USP8: variants seen among roughly 807,000 people sequenced by gnomAD.
USP8 encodes the protein ubiquitin specific peptidase 8.
A neutral mutation model predicts 130.0 loss-of-function variants in USP8; 27 were observed. The observed-to-expected ratio is 0.21, with a 90% confidence interval of 0.15 to 0.29. USP8 has a LOEUF of 0.29. Ranked by LOEUF, USP8 falls within the 10% of genes least tolerant of loss-of-function variation. USP8 has a pLI of 1.00. For missense variants in USP8, 1,029 were observed against 1,312.2 expected (o/e 0.78, Z 3.33); for synonymous variants, 392 against 444.1 (o/e 0.88, Z 1.48).
intron 7 of USP8, 126 bp downstream of exon 7, chr15:50,465,317 A>T: frequency 2.6e-6 from 2 of 763,714 alleles, no homozygotes; most frequent in Non-Finnish European, 3.6e-6. Context: ...AACTTTTTAA[A>T]TCTTTGCCTC....
At position 50,500,556 on chromosome 15, in the gene USP8, T is replaced by C. The variant is rs763754399; in HGVS notation, c.*1468T>C. On this transcript the variant is annotated 3_prime_UTR_variant, in exon 20 of 20. Transcript: ENST00000307179. The stretch of plus-strand genomic sequence containing the variant: ...CCACAAGGCATAAAAATGTTAATGA[T>C]GCAAGTAAGTTCTAAGAGTTTAATG... The C allele has an allele frequency of 2.9e-5, 14 of 490,456 alleles. No homozygotes were observed. The highest frequency in any genetic ancestry group is 4.8e-5 in the Non-Finnish European group (13 of 269,328). The allele number at this position is 490,456 out of a possible 1,614,324, so 30.4% of individuals were successfully genotyped here. A position where few individuals can be genotyped will look rare whatever the true frequency, so the allele number is the denominator to read the frequency against.
intron 1 of USP8, among the ~76,000 whole-genome samples, chr15:50,431,959 T>G (rs1210367538): frequency 1.3e-5 from 2 of 152,128 alleles, no homozygotes; most frequent in Non-Finnish European, 2.9e-5. Context: ...CCCAGCCAGA[T>G]GTCCTCCTTT....
intron 12 of USP8, among the ~76,000 whole-genome samples, chr15:50,487,273 A>G (rs545845846): frequency 5.1e-4 from 77 of 152,334 alleles, no homozygotes; most frequent in Non-Finnish European, 8.1e-4. Flanking sequence ...AGCCTTACAA[A>G]AATTAAGAAC....
At chr15:50,440,357 T>A (rs1567602527) in intron 2 of USP8, among the ~76,000 whole-genome samples, 1 of 152,216 alleles carries the variant, frequency 6.6e-6, no homozygotes, top group Non-Finnish European at 1.5e-5. Flanking sequence ...TATCCAAACT[T>A]GCATCTAACT....
chr15:50,468,231 T>C (rs1217702770), intron 7 of USP8, among the ~76,000 whole-genome samples: 15 of 121,454 alleles, frequency 1.2e-4, no homozygotes, highest in South Asian at 5.5e-4. Context: ...CCACTGTACC[T>C]GGCCTTTTTT....
chr15:50,452,095 C>G (rs1363764103), intron 4 of USP8, among the ~76,000 whole-genome samples: 1 of 152,164 alleles, frequency 6.6e-6, no homozygotes, highest in Non-Finnish European at 1.5e-5. Context: ...AATGCTTTAG[C>G]AAAAAGACCT....
chr15:50,483,511 C>G (rs958261532), intron 11 of USP8, among the ~76,000 whole-genome samples: 1 of 152,148 alleles, frequency 6.6e-6, no homozygotes, highest in Non-Finnish European at 1.5e-5. Context: ...AAAGAATCTA[C>G]GGGCCGGGCG....
chr15:50,489,847 G>A lies in USP8; in HGVS notation c.1937G>A (p.Arg646Lys), dbSNP rs780985138. ...LTRARSEEMG[R>K]IVPGLPSGWA... is the part of the protein sequence containing the mutation. ...AGAGCACGAAGTGAAGAAATGGGGA[G>A]GATCGTACCAGGACTGCCTTCAGGC... is the stretch of plus-strand genomic sequence containing the variant. Residue 646 changes from arginine (R) to lysine (K), a missense_variant, in exon 13 of 20, where the codon AGG becomes AAG. By Grantham distance (26) the Arg-to-Lys change is conservative (BLOSUM62 2). Transcript: ENST00000307179. The A allele has an allele frequency of 1.9e-6, 3 of 1,581,530 alleles. No individual in the cohort carries two copies. Among genetic ancestry groups the A allele is most frequent in the South Asian group, 1.2e-5 (1 of 84,648 alleles).
chr15:50,446,738 T>C (rs2050453716), intron 3 of USP8, among the ~76,000 whole-genome samples: 1 of 152,240 alleles, frequency 6.6e-6, no homozygotes. Flanking sequence ...TGATCTACTT[T>C]TAGGCTAGAT....
At chr15:50,476,342 A>G (rs1036971373) in intron 8 of USP8, among the ~76,000 whole-genome samples, 1 of 152,146 alleles carries the variant, frequency 6.6e-6, no homozygotes, top group African/African-American at 2.4e-5. Context: ...AGGTGGGAGG[A>G]TCAATAGAGC....
intron 7 of USP8, among the ~76,000 whole-genome samples, chr15:50,468,526 A>T (rs2051272078): frequency 6.6e-6 from 1 of 152,164 alleles, no homozygotes; most frequent in Non-Finnish European, 1.5e-5. Flanking sequence ...TACAGGTGTG[A>T]GCCACGGTGC....
Position 50,499,051 on chromosome 15 carries a change from C to G in USP8, c.3320C>G (p.Thr1107Ser). Reference protein sequence around the residue: ...KSSAAYILFYTSLGPRVTDVA... With the variant: ...KSSAAYILFYSSLGPRVTDVA... The stretch of plus-strand genomic sequence containing the variant: ...TCAGCAGCTTATATCCTCTTTTATA[C>G]TTCATTGGGACCACGAGTAACTGAT... The change falls in exon 20 of 20, where the codon ACT (threonine) becomes AGT (serine). Residue 1107 changes from threonine to serine, a missense_variant. Around this residue, in one of 4 missense-constraint regions of USP8, gnomAD observed 257 missense variants for 429.8 expected, o/e 0.60. Transcript: ENST00000307179. 6.2e-7 allele frequency: 1 copy of G among 1,612,908 alleles called. No individual in the cohort carries two copies. The highest frequency in any genetic ancestry group is 8.5e-7 in the Non-Finnish European group (1 of 1,179,432).
rs750971374 is a variant in USP8, at chr15:50,477,385, A to G, written c.1104A>G (p.Gln368=). Residue 368 remains glutamine (Q), a synonymous_variant, in exon 10 of 20, where the codon CAA becomes CAG. Transcript: ENST00000307179. ...AAAATATAGAATTGATAAGTGGTCA[A>G]AATGAGAGAATGGGACCACTGAATA... ...VDENIELISG[Q]NERMGPLNIS... 6.2e-7 allele frequency: 1 copy of G among 1,614,218 alleles called. No homozygotes were observed. The highest frequency in any genetic ancestry group is 1.3e-5 in the African/African-American group (1 of 75,070).
At chr15:50,459,857 C>T (rs566686439) in intron 5 of USP8, among the ~76,000 whole-genome samples, 1 of 152,004 alleles carries the variant, frequency 6.6e-6, no homozygotes, top group Non-Finnish European at 1.5e-5. Context: ...TAAGTTTCTT[C>T]TTTCTAATCA....
At chr15:50,448,252 A>G (rs1224421234) in intron 3 of USP8, among the ~76,000 whole-genome samples, 1 of 152,158 alleles carries the variant, frequency 6.6e-6, no homozygotes, top group African/African-American at 2.4e-5. Flanking sequence ...TTTGTAATGA[A>G]CTGTGCTAGT....
In USP8 at chr15:50,500,202, A is replaced by G. The variant is rs146662990; in HGVS notation, c.*1114A>G. On this transcript the variant is annotated 3_prime_UTR_variant, in exon 20 of 20. Transcript: ENST00000307179. ...TGAAGCTGACAACTTTTCATGTTTTACAATTAGTCTAAGAGACCACTTCTT... is the reference window on the plus strand; with the variant it reads ...TGAAGCTGACAACTTTTCATGTTTTGCAATTAGTCTAAGAGACCACTTCTT... The G allele has an allele frequency of 5.2e-4, 79 of 152,402 alleles. No individual in the cohort carries two copies. The highest frequency in any genetic ancestry group is 1.9e-3 in the African/African-American group (77 of 41,592). The allele number at this position is 152,402 out of a possible 1,614,324, so 9.4% of individuals were successfully genotyped here.
At chr15:50,464,434 C>A (rs574555512) in intron 6 of USP8, among the ~76,000 whole-genome samples, 1 of 152,300 alleles carries the variant, frequency 6.6e-6, no homozygotes, top group South Asian at 2.1e-4. Context: ...TCCTGAGACA[C>A]ATATATTAAT....
intron 10 of USP8, among the ~76,000 whole-genome samples, chr15:50,478,166 A>G (rs2051636984): frequency 6.6e-6 from 1 of 152,324 alleles, no homozygotes; most frequent in Non-Finnish European, 1.5e-5. Context: ...CTTACATATG[A>G]TAGGTATGTG....
chr15:50,509,736 T>C lies in USP8; in HGVS notation c.*10648T>C, dbSNP rs1261114508. 1 of 152,166 alleles carries C rather than the reference T, an allele frequency of 6.6e-6. No individual in the cohort carries two copies. The highest frequency in any genetic ancestry group is 1.5e-5 in the Non-Finnish European group (1 of 68,032). The allele number at this position is 152,166 out of a possible 1,614,324, so 9.4% of individuals were successfully genotyped here. On this transcript the variant is annotated 3_prime_UTR_variant, in exon 20 of 20. Transcript: ENST00000307179. The stretch of plus-strand genomic sequence containing the variant: ...AAAAACATGTAATAGCTACAGATCC[T>C]GAATAAATTTATTGTTAATACCCTA...
Sources: allele counts gnomAD v4.1 joint callset (sites outside exome capture counted in the v4.1 genomes callset), GRCh38; gene constraint gnomAD v4.1.1; regional missense constraint gnomAD v4.1.1; transcripts MANE v1.5; gene names NCBI Gene and HGNC (gene_info 2026-07-23, HGNC 2026-07-21).